KATNA1: variants seen among roughly 807,000 people sequenced by gnomAD.
The protein encoded by KATNA1 is katanin catalytic subunit A1.
Under a neutral mutation model 62.6 loss-of-function variants are expected in KATNA1, and 42 were observed. That is an observed-to-expected ratio of 0.67 (90% confidence interval 0.52 to 0.87). The LOEUF is 0.87. KATNA1 is among the 40% of genes least tolerant of loss of function. The probability of loss-of-function intolerance (pLI) is 0.00; values close to 1 mark genes in which losing one functional copy is unlikely to be tolerated. For missense variants in KATNA1, 498 were observed against 612.5 expected (o/e 0.81, Z 1.97); for synonymous variants, 186 against 201.9 (o/e 0.92, Z 0.67).
chr6:149,601,877 A>G (rs1452756692), intron 6 of KATNA1, 125 bp from the exon 7 acceptor site: 2 of 563,178 alleles, frequency 3.6e-6, no homozygotes, highest in African/African-American at 3.9e-5. Flanking sequence ...TAAAAGACAA[A>G]CAGATAAACA....
chr6:149,631,873 C>T (rs9322201), intron 3 of KATNA1, among the ~76,000 whole-genome samples: 136,493 of 152,278 alleles, frequency 0.9, 61,454 homozygotes, highest in African/African-American at 0.98. Flanking sequence ...AGTTGTTCAT[C>T]TGCTGGCACT....
chr6:149,644,308 T>C (rs1327910398), intron 1 of KATNA1, among the ~76,000 whole-genome samples: 2 of 151,956 alleles, frequency 1.3e-5, no homozygotes, highest in Non-Finnish European at 2.9e-5. Context: ...AGATCTTTCT[T>C]CCCATTTTCC....
At chr6:149,609,240 C>A (rs1778853568) in intron 4 of KATNA1, among the ~76,000 whole-genome samples, 1 of 151,742 alleles carries the variant, frequency 6.6e-6, no homozygotes, top group South Asian at 2.1e-4. Flanking sequence ...TTCTGAAAAC[C>A]AAAGACACAG....
At chr6:149,643,337 GC>G (rs1780360756) in intron 1 of KATNA1, among the ~76,000 whole-genome samples, 1 of 152,182 alleles carries the variant, frequency 6.6e-6, no homozygotes, top group African/African-American at 2.4e-5. Flanking sequence ...GCTAAGTCAT[GC>G]CCAAATTCCT....
chr6:149,626,292 C>CTTTTTTTTTTTTTTTTTTTTTTTTTTT, intron 3 of KATNA1, among the ~76,000 whole-genome samples: 1 of 88,748 alleles, frequency 1.1e-5, no homozygotes, highest in Non-Finnish European at 2.0e-5. Flanking sequence ...ATAACATTTA[C>CTTTTTTTTTTTTTTTTTTTTTTTTTTT]TTTTTTTTTT....
intron 2 of KATNA1, among the ~76,000 whole-genome samples, chr6:149,634,226 T>G (rs1779970516): frequency 6.7e-6 from 1 of 149,652 alleles, no homozygotes; most frequent in Admixed American, 6.6e-5. Flanking sequence ...TGAGCCGAGA[T>G]CGCACCATTG....
In KATNA1 at chr6:149,644,064, T is replaced by G. The variant is rs73779534; in HGVS notation, c.-14+4405A>C. Among the ~76,000 whole-genome samples the G allele has an allele frequency of 3.6e-3, 552 of 152,172 alleles. 3 individuals are homozygous for G. Among genetic ancestry groups the G allele is most frequent in the African/African-American group, 0.013 (525 of 41,532 alleles). ...CTCAGCATGGTCACATTCTTGATCCTCAGCTCATCCCTTCCAAGCTGGGAT... is the reference window on the plus strand; with the variant it reads ...CTCAGCATGGTCACATTCTTGATCCGCAGCTCATCCCTTCCAAGCTGGGAT... On this transcript the variant is annotated intron_variant, in intron 1 of 10. Coordinates refer to ENST00000367411, the MANE Select transcript of KATNA1 (RefSeq NM_007044.4).
intron 8 of KATNA1, 22 bp from the exon 9 acceptor site, chr6:149,597,663 AGTG>A: frequency 6.2e-7 from 1 of 1,601,128 alleles, no homozygotes; most frequent in Non-Finnish European, 8.5e-7. Context: ...GTAAGGGGAG[AGTG>A]AAAAAGATAT....
At position 149,617,989 on chromosome 6, in the gene KATNA1, A is replaced by AT. The variant is rs1398912525; in HGVS notation, c.501+5113_501+5114insA. Among the ~76,000 whole-genome samples, 180 of 141,674 alleles carry AT rather than the reference A, an allele frequency of 1.3e-3. 2 individuals carry two copies. In the East Asian group the frequency reaches 0.019, roughly 15 times the overall value. The allele number at this position is 141,674 out of a possible 152,430, so 92.9% of individuals were successfully genotyped here. ...AAATAATAAAATAAATAAATAAATA[A>AT]ATATATATATATAAAATTAGCTGGG... is the stretch of plus-strand genomic sequence containing the variant. On this transcript the variant is annotated intron_variant, in intron 4 of 10. Transcript: ENST00000367411.
At chr6:149,615,077 A>G (rs1198542421) in intron 4 of KATNA1, among the ~76,000 whole-genome samples, 2 of 148,364 alleles carry the variant, frequency 1.3e-5, no homozygotes, top group African/African-American at 2.5e-5. Context: ...AGGTCGCAGT[A>G]AGCTGAGATT....
At chr6:149,600,259 T>C (rs559003900) in intron 7 of KATNA1, among the ~76,000 whole-genome samples, 1 of 149,394 alleles carries the variant, frequency 6.7e-6, no homozygotes, top group South Asian at 2.1e-4. Flanking sequence ...CCCGGCACTT[T>C]ATGGGGTCTA....
In KATNA1 at chr6:149,631,035, G is replaced by A. The variant is rs56095145; in HGVS notation, c.320+1724C>T. Reference sequence around the variant, plus strand: ...ATATGACTTATTTGGAAGGCTTATTGCAATAAAATAACACCTATAGCCTAA... The same window carrying A: ...ATATGACTTATTTGGAAGGCTTATTACAATAAAATAACACCTATAGCCTAA... On this transcript the variant is annotated intron_variant, in intron 3 of 10. Coordinates refer to ENST00000367411, the MANE Select transcript of KATNA1 (RefSeq NM_007044.4). Among the ~76,000 whole-genome samples the A allele has an allele frequency of 3.6e-3, 553 of 152,234 alleles. 3 individuals carry two copies. The highest frequency in any genetic ancestry group is 0.013 in the African/African-American group (526 of 41,538).
At chr6:149,648,983 T>G (rs778495141), upstream of KATNA1, 2 of 152,274 alleles carry the variant, frequency 1.3e-5, no homozygotes, top group Non-Finnish European at 2.9e-5. Flanking sequence ...GTGTCTATTT[T>G]AGAGGTGAAT....
At chr6:149,623,568 C>T (rs1582787548) in intron 3 of KATNA1, among the ~76,000 whole-genome samples, 1 of 151,964 alleles carries the variant, frequency 6.6e-6, no homozygotes, top group East Asian at 1.9e-4. Flanking sequence ...GATACCCCGT[C>T]TCTACTAAAA....
chr6:149,620,307 T>A (rs926884596), intron 4 of KATNA1, among the ~76,000 whole-genome samples: 3 of 152,198 alleles, frequency 2.0e-5, no homozygotes, highest in Non-Finnish European at 4.4e-5. Context: ...TATTATTTTT[T>A]AATTTTTTTG....
chr6:149,606,211 T>TA (rs1466363025), intron 4 of KATNA1, among the ~76,000 whole-genome samples: 2 of 152,188 alleles, frequency 1.3e-5, no homozygotes, highest in Non-Finnish European at 2.9e-5. Context: ...CAATAGGTGT[T>TA]AAACTGCTAG....
At chr6:149,611,478 A>G (rs1778954620) in intron 4 of KATNA1, among the ~76,000 whole-genome samples, 1 of 144,408 alleles carries the variant, frequency 6.9e-6, no homozygotes, top group Non-Finnish European at 1.5e-5. Context: ...AAAAAAAAAA[A>G]AGAAAAAAGA....
chr6:149,622,159 G>A (rs554492320), intron 4 of KATNA1, among the ~76,000 whole-genome samples: 7 of 149,272 alleles, frequency 4.7e-5, no homozygotes, highest in East Asian at 2.0e-4. Context: ...TCAAGACGGA[G>A]TCTCGCTCTG....
At position 149,600,182 on chromosome 6, in the gene KATNA1, G is replaced by A. The variant is rs78887613; in HGVS notation, c.888+1412C>T. Among the ~76,000 whole-genome samples, 1,057 of 123,798 alleles carry A rather than the reference G, an allele frequency of 8.5e-3. 18 individuals carry two copies. Among genetic ancestry groups the A allele is most frequent in the African/African-American group, 0.031 (1,004 of 32,182 alleles). 81.2% of individuals were successfully genotyped at this position (123,798 alleles called of 152,430 possible). On this transcript the variant is annotated intron_variant, in intron 7 of 10. Transcript: ENST00000367411. Reference sequence around the variant, plus strand: ...TGCACTACAACCTGTGCAATATAGTGAGAGCTTATCTTAAAAAAAAAAAAA... The same window carrying A: ...TGCACTACAACCTGTGCAATATAGTAAGAGCTTATCTTAAAAAAAAAAAAA...
Sources: allele counts gnomAD v4.1 joint callset (sites outside exome capture counted in the v4.1 genomes callset), GRCh38; gene constraint gnomAD v4.1.1; transcripts MANE v1.5; gene names NCBI Gene and HGNC (gene_info 2026-07-23, HGNC 2026-07-21).